The following TENM3 variants were observed in gnomAD, a reference collection of about 807,000 sequenced individuals.
TENM3 encodes teneurin-3.
In TENM3, 63 loss-of-function variants were observed where a neutral mutation model predicts 255.1. The ratio of observed to expected loss-of-function variants is 0.25; its 90% confidence interval spans 0.20 to 0.30. The LOEUF is 0.30. Ranked by LOEUF, TENM3 falls within the 10% of genes least tolerant of loss-of-function variation. The pLI is 1.00. For synonymous variants in TENM3, 1,306 were observed against 1,322.3 expected (o/e 0.99, Z 0.27); for missense variants, 2,929 against 3,461.1 (o/e 0.85, Z 3.86).
the TENM3 span, among the ~76,000 whole-genome samples, chr4:181,747,412 A>G: frequency 6.6e-6 from 1 of 152,106 alleles, no homozygotes; most frequent in Non-Finnish European, 1.5e-5. Flanking sequence ...TAATACAGAC[A>G]GATCCCAAGT....
chr4:181,672,908 G>A, the TENM3 span, among the ~76,000 whole-genome samples: 3 of 152,172 alleles, frequency 2.0e-5, no homozygotes, highest in African/African-American at 7.2e-5. Flanking sequence ...CACCCTAGCT[G>A]AGGACTGATG....
chr4:182,679,923 G>A (rs571397387), intron 8 of TENM3, 47 bp downstream of exon 8: 48 of 1,490,122 alleles, frequency 3.2e-5, no homozygotes, highest in South Asian at 3.6e-5. Flanking sequence ...TAGCCTAAAC[G>A]CCGTGTTTAA....
At chr4:181,935,402 A>G in the TENM3 span, among the ~76,000 whole-genome samples, 1 of 152,236 alleles carries the variant, frequency 6.6e-6, no homozygotes, top group Non-Finnish European at 1.5e-5. Context: ...CTGCTAGGCT[A>G]GTTCTTCTTT....
chr4:181,510,367 CA>C, the TENM3 span, among the ~76,000 whole-genome samples: 1 of 151,844 alleles, frequency 6.6e-6, no homozygotes, highest in African/African-American at 2.4e-5. Flanking sequence ...CAAACAAACA[CA>C]AAAACAAAGC....
intron 1 of TENM3, among the ~76,000 whole-genome samples, chr4:182,274,819 G>A (rs1318624227): frequency 6.6e-6 from 1 of 152,004 alleles, no homozygotes; most frequent in African/African-American, 2.4e-5. Flanking sequence ...TGTTGGTTTA[G>A]TATTTATTAT....
At chr4:181,681,113 T>C in the TENM3 span, among the ~76,000 whole-genome samples, 1 of 152,044 alleles carries the variant, frequency 6.6e-6, no homozygotes, top group East Asian at 1.9e-4. Context: ...AGCGTATTTC[T>C]GTTAAATGGA....
In TENM3 at chr4:182,799,870, C is replaced by T; in HGVS notation, c.7619C>T (p.Thr2540Ile). 1 of 1,610,946 alleles carries T rather than the reference C, an allele frequency of 6.2e-7. No individual in the cohort carries two copies. Among genetic ancestry groups the T allele is most frequent in the Non-Finnish European group, 8.5e-7 (1 of 1,178,814 alleles). ...NAFYLENLHF[T>I]IEGKDTHYFI... ...TTCTACCTGGAGAACCTGCACTTCA[C>T]CATCGAGGGCAAGGACACGCACTAC... Residue 2540 changes from threonine (T) to isoleucine (I), a missense_variant, in exon 28 of 28, where the codon ACC becomes ATC. Thr to Ile is a moderately conservative substitution (Grantham distance 89). Coordinates refer to ENST00000511685, the MANE Select transcript of TENM3 (RefSeq NM_001080477.4). The surrounding 1 kb of genome is among the most constrained non-coding windows in gnomAD (Gnocchi z 4.2).
chr4:182,118,810 G>T, the TENM3 span, among the ~76,000 whole-genome samples: 1 of 152,124 alleles, frequency 6.6e-6, no homozygotes, highest in African/African-American at 2.4e-5. Flanking sequence ...ACCCCACTTG[G>T]CCGTGGTATA....
At chr4:182,262,399 A>G (rs1009894028) in intron 1 of TENM3, among the ~76,000 whole-genome samples, 3 of 152,074 alleles carry the variant, frequency 2.0e-5, no homozygotes, top group Admixed American at 2.0e-4. Context: ...GGGATAGGAG[A>G]TTGGCACAAA....
chr4:181,687,079 A>T, the TENM3 span, among the ~76,000 whole-genome samples: 2 of 152,182 alleles, frequency 1.3e-5, no homozygotes, highest in Admixed American at 6.5e-5. Flanking sequence ...CTATAAAATG[A>T]GTTTTAGAAA....
chr4:182,272,937 A>G (rs1463898541), intron 1 of TENM3, among the ~76,000 whole-genome samples: 1 of 152,156 alleles, frequency 6.6e-6, no homozygotes, highest in Non-Finnish European at 1.5e-5. Flanking sequence ...TGAGTCCTGC[A>G]GGATCTGGAA....
chr4:181,704,273 A>C, the TENM3 span, among the ~76,000 whole-genome samples: 1 of 152,054 alleles, frequency 6.6e-6, no homozygotes, highest in African/African-American at 2.4e-5. Flanking sequence ...CCAGGGTCCA[A>C]CCCATGTTTC....
intron 1 of TENM3, among the ~76,000 whole-genome samples, chr4:182,219,802 T>G (rs750257892): frequency 6.6e-6 from 1 of 152,230 alleles, no homozygotes; most frequent in Non-Finnish European, 1.5e-5. Context: ...TGGACACTTA[T>G]CAAGTTTGAC....
chr4:181,500,524 C>G, the TENM3 span, among the ~76,000 whole-genome samples: 2 of 152,096 alleles, frequency 1.3e-5, no homozygotes, highest in African/African-American at 4.8e-5. Context: ...GTCAGATGTT[C>G]ATACAATTGA....
At position 182,620,583 on chromosome 4, in the gene TENM3, G is replaced by C. The variant is rs181000164; in HGVS notation, c.750-8068G>C. Among the ~76,000 whole-genome samples the C allele has an allele frequency of 1.9e-4, 29 of 152,272 alleles. 2 individuals carry two copies. The East Asian group carries it at 5.6e-3, about 29-fold the overall frequency. Reference sequence around the variant, plus strand: ...TCTATTTTGAGGCCTAATTTTACCTGAAGGAATCCGTCTACACAAAATGAC... The same window carrying C: ...TCTATTTTGAGGCCTAATTTTACCTCAAGGAATCCGTCTACACAAAATGAC... On this transcript the variant is annotated intron_variant, in intron 4 of 27. Coordinates refer to ENST00000511685, the MANE Select transcript of TENM3 (RefSeq NM_001080477.4).
the TENM3 span, among the ~76,000 whole-genome samples, chr4:182,023,742 G>T: frequency 6.6e-6 from 1 of 152,130 alleles, no homozygotes. Context: ...ATACCACAAA[G>T]GAAGTTTAGT....
At chr4:181,635,210 C>T in the TENM3 span, among the ~76,000 whole-genome samples, 1 of 152,088 alleles carries the variant, frequency 6.6e-6, no homozygotes, top group Non-Finnish European at 1.5e-5. Context: ...ATTTTCGTGA[C>T]CTAAATTTTT....
intron 3 of TENM3, among the ~76,000 whole-genome samples, chr4:182,502,289 G>A (rs1012050920): frequency 2.6e-5 from 4 of 152,088 alleles, no homozygotes; most frequent in African/African-American, 4.8e-5. Context: ...CGGCAGAGGC[G>A]GTGCTGTGTA....
chr4:182,427,833 G>T (rs1223951594), intron 3 of TENM3, among the ~76,000 whole-genome samples: 1 of 152,146 alleles, frequency 6.6e-6, no homozygotes, highest in African/African-American at 2.4e-5. Context: ...AGTTGAAAAT[G>T]TAGGGGAACT....
Sources: gnomAD v4.1 joint callset for allele counts (sites outside exome capture counted in the v4.1 genomes callset) on GRCh38, gnomAD v4.1.1 for gene constraint, Gnocchi (gnomAD v3.1) non-coding constraint, MANE v1.5 for transcripts, NCBI Gene and HGNC (gene_info 2026-07-23, HGNC 2026-07-21) for gene names.